Variants in CHD7 observed in about 807,000 individuals in gnomAD.
CHD7 encodes chromodomain helicase DNA binding protein 7, also known as ATP-dependent chromatin remodeler CHD7.
Under a neutral mutation model 307.3 loss-of-function variants are expected in CHD7, and 24 were observed. That is an observed-to-expected ratio of 0.08 (90% CI 0.06 to 0.11). The LOEUF is 0.11. CHD7 is among the 10% of genes least tolerant of loss of function. The pLI is 1.00. For missense variants in CHD7, 3,106 were observed against 3,727.1 expected, an observed-to-expected ratio of 0.83 and a Z score of 4.34; for synonymous variants, 1,363 against 1,349.9, an observed-to-expected ratio of 1.01 and a Z score of -0.21.
intron 1 of CHD7, among the ~76,000 whole-genome samples, chr8:60,710,200 GATCA>G (rs1563533799): frequency 2.1e-4 from 32 of 150,778 alleles, no homozygotes; most frequent in African/African-American, 7.8e-4. Context: ...GCTCTTAGTT[GATCA>G]TAATTCTTGT....
At chr8:60,739,938 T>C (rs2150575008) in intron 1 of CHD7, among the ~76,000 whole-genome samples, 1 of 152,320 alleles carries the variant, frequency 6.6e-6, no homozygotes, top group Admixed American at 6.5e-5. Context: ...TATCACACAA[T>C]GCTTAATGTC....
intron 15 of CHD7, 72 bp downstream of exon 15, chr8:60,830,649 C>G (rs1276812361): frequency 1.3e-6 from 2 of 1,531,080 alleles, no homozygotes; most frequent in African/African-American, 2.7e-5. Context: ...TGCCCCCAGA[C>G]TGGGGATTTC....
At chr8:60,850,727 G>C in intron 26 of CHD7, 105 bp downstream of exon 26, 1 of 1,187,516 alleles carries the variant, frequency 8.4e-7, no homozygotes, top group Non-Finnish European at 1.2e-6. Context: ...TGTCTGATTT[G>C]AAGTTCAGGA....
intron 13 of CHD7, among the ~76,000 whole-genome samples, chr8:60,828,419 C>T (rs1804352828): frequency 6.6e-6 from 1 of 152,138 alleles, no homozygotes; most frequent in Non-Finnish European, 1.5e-5. Context: ...CCTATAACCC[C>T]AGGAAGAAAC....
chr8:60,687,821 C>T (rs1805988631), intron 1 of CHD7, among the ~76,000 whole-genome samples: 1 of 152,190 alleles, frequency 6.6e-6, no homozygotes, highest in South Asian at 2.1e-4. Context: ...CAGGGCCATA[C>T]ATTTCTAGCA....
chr8:60,708,160 A>C (rs1311229350), intron 1 of CHD7, among the ~76,000 whole-genome samples: 2 of 152,188 alleles, frequency 1.3e-5, no homozygotes, highest in African/African-American at 4.8e-5. Flanking sequence ...ATGCCCAAGG[A>C]GGGCTTTTTG....
chr8:60,812,755 A>G (rs1224691897), intron 7 of CHD7, among the ~76,000 whole-genome samples: 1 of 148,822 alleles, frequency 6.7e-6, no homozygotes, highest in Non-Finnish European at 1.5e-5. Flanking sequence ...TATTTTATTT[A>G]TTTTTTTATT....
intron 2 of CHD7, among the ~76,000 whole-genome samples, chr8:60,749,825 C>G (rs1417182965): frequency 1.3e-5 from 2 of 152,238 alleles, no homozygotes; most frequent in African/African-American, 4.8e-5. Flanking sequence ...CTTTACTGGT[C>G]TCTCTTTCCT....
chr8:60,689,544 A>G (rs1806090534), intron 1 of CHD7, among the ~76,000 whole-genome samples: 1 of 152,246 alleles, frequency 6.6e-6, no homozygotes, highest in African/African-American at 2.4e-5. Context: ...CTGTAGCATT[A>G]ACTGCTCTGC....
intron 21 of CHD7, among the ~76,000 whole-genome samples, chr8:60,842,636 C>A (rs1431217407): frequency 6.6e-6 from 1 of 152,114 alleles, no homozygotes. Flanking sequence ...CAGTAAATAT[C>A]TGAATTGGTC....
rs548275260 is a variant in CHD7, at chr8:60,846,112, C to T, written c.5210+703C>T. Among the ~76,000 whole-genome samples, 45 of 152,164 alleles carry T rather than the reference C, an allele frequency of 3.0e-4. 1 individual carries two copies. Among genetic ancestry groups the T allele is most frequent in the South Asian group, 2.1e-4 (1 of 4,828 alleles). ...TTTGTTTGTCCCAGTCATCTGTTGA[C>T]GGACACTTGGGCTAGTTATCATGGC... On this transcript the variant is annotated intron_variant, in intron 23 of 37. Transcript: ENST00000423902.
intron 1 of CHD7, among the ~76,000 whole-genome samples, chr8:60,712,941 C>T (rs1363037814): frequency 6.6e-6 from 1 of 150,894 alleles, no homozygotes; most frequent in African/African-American, 2.4e-5. Flanking sequence ...ATCCCAGCTA[C>T]CTGGGGGGCT....
At chr8:60,800,234 A>G (rs1386854877) in intron 4 of CHD7, among the ~76,000 whole-genome samples, 154 bp from the exon 5 acceptor site, 7 of 152,002 alleles carry the variant, frequency 4.6e-5, no homozygotes, top group South Asian at 2.1e-4. Flanking sequence ...GTGTTTCACC[A>G]TGTTAGCCAG....
rs1252519475 is a variant in CHD7, at chr8:60,821,901, T to C, written c.2809T>C (p.Ser937Pro). 6.2e-7 allele frequency: 1 copy of C among 1,612,572 alleles called. No individual in the cohort carries two copies. The highest frequency in any genetic ancestry group is 8.5e-7 in the Non-Finnish European group (1 of 1,179,242). ...AKIEEFEKLMSREPETERVER... is the reference protein window; with the variant it reads ...AKIEEFEKLMPREPETERVER... ...GATCGAGGAGTTTGAGAAACTAATG[T>C]CCAGGGAGCCGGAAACAGAGCGTGT... The change falls in exon 10 of 38, where the codon TCC (serine) becomes CCC (proline). Residue 937 changes from serine (S) to proline (P), a missense_variant. Transcript: ENST00000423902.
At chr8:60,836,365 A>T in intron 16 of CHD7, 82 bp downstream of exon 16, 1 of 1,150,164 alleles carries the variant, frequency 8.7e-7, no homozygotes, top group Non-Finnish European at 1.2e-6. Context: ...CTAAAAGTGG[A>T]ATCTATGATA....
chr8:60,701,808 C>CT (rs1806774847), intron 1 of CHD7, among the ~76,000 whole-genome samples: 2 of 152,248 alleles, frequency 1.3e-5, no homozygotes, highest in South Asian at 4.1e-4. Context: ...TTATCCTGCA[C>CT]TTTTTTTGGG....
intron 9 of CHD7, 38 bp from the exon 10 acceptor site, chr8:60,821,752 A>G: frequency 6.5e-7 from 1 of 1,544,446 alleles, no homozygotes; most frequent in Non-Finnish European, 8.8e-7. Flanking sequence ...GTATGTGGTC[A>G]AATGAATCCA....
intron 34 of CHD7, among the ~76,000 whole-genome samples, chr8:60,859,765 C>A (rs1424399711): frequency 6.6e-6 from 1 of 152,138 alleles, no homozygotes; most frequent in African/African-American, 2.4e-5. Context: ...CAGAGATGAG[C>A]TTGCAGAGAA....
Position 60,742,412 on chromosome 8 carries a change from G to C in CHD7, c.980G>C (p.Gly327Ala). ...NLNQGLVNNT[G>A]MNQNLGLTNN... is the part of the protein sequence containing the mutation. Reference sequence around the variant, plus strand: ...AATCAGGGATTAGTTAACAATACAGGGATGAATCAAAATTTAGGCCTTACA... The same window carrying C: ...AATCAGGGATTAGTTAACAATACAGCGATGAATCAAAATTTAGGCCTTACA... Residue 327 changes from glycine to alanine, a missense_variant, in exon 2 of 38, where the codon GGG (glycine) becomes GCG (alanine). Physicochemically the swap from Gly to Ala is moderately conservative, Grantham distance 60. Coordinates refer to ENST00000423902, the MANE Select transcript of CHD7 (RefSeq NM_017780.4). 6.2e-7 allele frequency: 1 copy of C among 1,613,910 alleles called. No homozygotes were observed. Among genetic ancestry groups the C allele is most frequent in the Non-Finnish European group, 8.5e-7 (1 of 1,179,848 alleles).
Sources: allele counts gnomAD v4.1 joint callset (sites outside exome capture counted in the v4.1 genomes callset), GRCh38; gene constraint gnomAD v4.1.1; transcripts MANE v1.5; gene names NCBI Gene and HGNC (gene_info 2026-07-23, HGNC 2026-07-21).